The following CERT1 variants were observed in gnomAD, a reference collection of about 807,000 sequenced individuals.
The protein encoded by CERT1 is ceramide transporter 1.
A neutral mutation model predicts 87.9 loss-of-function variants in CERT1; 31 were observed. The observed-to-expected ratio is 0.35, with a 90% CI of 0.27 to 0.48. The LOEUF (loss-of-function observed/expected upper bound fraction) is 0.48. Ranked by LOEUF, CERT1 falls within the 20% of genes least tolerant of loss-of-function variation. CERT1 has a pLI of 0.99. For missense variants in CERT1, 487 were observed against 758.0 expected, an observed-to-expected ratio of 0.64 and a Z score of 4.20; for synonymous variants, 289 against 250.9, an observed-to-expected ratio of 1.15 and a Z score of -1.44.
chr5:75,420,628 C>T (rs576390352), intron 5 of CERT1, among the ~76,000 whole-genome samples: 2 of 152,104 alleles, frequency 1.3e-5, no homozygotes, highest in Non-Finnish European at 2.9e-5. Context: ...TCCAGGCATC[C>T]CTTTTCTCTA....
chr5:75,478,181 C>T (rs1204450755), intron 2 of CERT1, among the ~76,000 whole-genome samples: 7 of 151,602 alleles, frequency 4.6e-5, no homozygotes, highest in Admixed American at 2.6e-4. Context: ...GGTGTGGTGG[C>T]GCAGCACCTG....
intron 8 of CERT1, among the ~76,000 whole-genome samples, chr5:75,406,349 TCCCTCCGGGA>T (rs1762705188): frequency 6.6e-6 from 1 of 152,226 alleles, no homozygotes; most frequent in Non-Finnish European, 1.5e-5. Flanking sequence ...AGAGGTTCTT[TCCCTCCGGGA>T]AGACATCTCT....
chr5:75,506,283 A>G (rs969044487), intron 1 of CERT1, among the ~76,000 whole-genome samples, 167 bp from the exon 2 acceptor site: 4 of 152,244 alleles, frequency 2.6e-5, no homozygotes, highest in Non-Finnish European at 5.9e-5. Context: ...AAAAGTTGAG[A>G]TTTTCTAGAT....
At chr5:75,439,167 A>G (rs1281177436) in intron 3 of CERT1, among the ~76,000 whole-genome samples, 1 of 151,956 alleles carries the variant, frequency 6.6e-6, no homozygotes, top group Non-Finnish European at 1.5e-5. Flanking sequence ...AAAGTTATCG[A>G]TTAAATAAAA....
rs114200677 is a variant in CERT1, at chr5:75,405,659, T to C, written c.931-2601A>G. Among the ~76,000 whole-genome samples, 590 of 152,324 alleles carry C rather than the reference T, an allele frequency of 3.9e-3. 3 individuals are homozygous for C. The highest frequency in any genetic ancestry group is 5.6e-3 in the Non-Finnish European group (378 of 68,024). ...ACAATAGTCTCCCCCATCTGTGGTT[T>C]TGATTTATGTGGTTTATATACAATA... On this transcript the variant is annotated intron_variant, in intron 8 of 16. Transcript: ENST00000643780.
chr5:75,406,016 A>C (rs1238519245), intron 8 of CERT1, among the ~76,000 whole-genome samples: 1 of 152,180 alleles, frequency 6.6e-6, no homozygotes, highest in African/African-American at 2.4e-5. Context: ...TTATACAAAA[A>C]GTGTCCAAGT....
intron 15 of CERT1, 88 bp from the exon 16 acceptor site, chr5:75,381,289 G>C (rs1056663478): frequency 5.6e-6 from 8 of 1,437,318 alleles, no homozygotes; most frequent in Admixed American, 1.8e-5. Context: ...AACCAAAATC[G>C]TAACTCTTAA....
At chr5:75,428,923 ATT>A (rs1763745013) in intron 3 of CERT1, among the ~76,000 whole-genome samples, 1 of 152,034 alleles carries the variant, frequency 6.6e-6, no homozygotes, top group Admixed American at 6.6e-5. Flanking sequence ...TGATAATTAC[ATT>A]TTGTTTCTTA....
intron 7 of CERT1, among the ~76,000 whole-genome samples, chr5:75,413,982 A>T (rs1012723657): frequency 6.6e-6 from 1 of 152,208 alleles, no homozygotes; most frequent in East Asian, 1.9e-4. Flanking sequence ...AAAAAAATCT[A>T]AATGTCCACC....
intron 1 of CERT1, 150 bp downstream of exon 1, chr5:75,510,962 C>A (rs890862970): frequency 1.8e-6 from 2 of 1,124,222 alleles, no homozygotes; most frequent in African/African-American, 3.2e-5. Context: ...GCCCCTATAT[C>A]CCCGCCTCAT....
rs1408759233 is a variant in CERT1 at position 75,502,488 on chromosome 5, AAATAT to A, written c.231+3489_231+3493del. The stretch of plus-strand genomic sequence containing the variant: ...GTGCAAAAACAGGGTCCAGGCAAAT[AAATAT>A]AATATATCCACACGATTCAACAGAA... On this transcript the variant is annotated intron_variant, in intron 2 of 16. Transcript: ENST00000643780. Among the ~76,000 whole-genome samples the A allele has an allele frequency of 3.9e-5, 6 of 152,296 alleles. 1 individual carries two copies. The highest frequency in any genetic ancestry group is 2.0e-4 in the Admixed American group (3 of 15,306).
chr5:75,408,281 TA>T (rs1293913241), intron 8 of CERT1, among the ~76,000 whole-genome samples: 2 of 152,182 alleles, frequency 1.3e-5, no homozygotes, highest in Non-Finnish European at 2.9e-5. Flanking sequence ...AGTTATAGAT[TA>T]AAAGAAGTTA....
intron 1 of CERT1, among the ~76,000 whole-genome samples, chr5:75,510,290 TA>T (rs945998730): frequency 4.0e-5 from 6 of 149,662 alleles, no homozygotes; most frequent in Middle Eastern, 3.4e-3. Context: ...AGCAAAAACT[TA>T]AAAAAAAAAT....
intron 3 of CERT1, among the ~76,000 whole-genome samples, chr5:75,439,180 C>G (rs1341625210): frequency 6.6e-6 from 1 of 151,296 alleles, no homozygotes; most frequent in African/African-American, 2.4e-5. Context: ...AAATAAAATA[C>G]CAGAAATGTC....
At chr5:75,403,088 A>C in intron 8 of CERT1, 30 bp from the exon 9 acceptor site, 2 of 1,471,808 alleles carry the variant, frequency 1.4e-6, no homozygotes, top group Non-Finnish European at 1.9e-6. Context: ...AGAAAAAAGC[A>C]GTTTATTTAA....
chr5:75,488,871 A>G (rs1766646811), intron 2 of CERT1, among the ~76,000 whole-genome samples: 1 of 152,136 alleles, frequency 6.6e-6, no homozygotes, highest in African/African-American at 2.4e-5. Flanking sequence ...ATTCTGAGAC[A>G]TTTTTCCTTG....
Position 75,409,831 on chromosome 5 carries a change from G to GT in CERT1, c.930+1179dup, listed in dbSNP as rs150553834. Among the ~76,000 whole-genome samples the GT allele has an allele frequency of 5.1e-3, 707 of 137,794 alleles. 3 individuals carry two copies. Among genetic ancestry groups the GT allele is most frequent in the East Asian group, 0.014 (67 of 4,706 alleles). 90.4% of individuals were successfully genotyped at this position (137,794 alleles called of 152,430 possible). A position where few individuals can be genotyped will look rare whatever the true frequency, so the allele number is the denominator to read the frequency against. ...TGTGAACCACCGTGCTGGCCAACAC[G>GT]TTTTTTTTTTTTTTTTAAAGAGACA... On this transcript the variant is annotated intron_variant, in intron 8 of 16. Coordinates refer to ENST00000643780, the MANE Select transcript of CERT1 (RefSeq NM_001379029.1).
At chr5:75,443,249 T>C (rs975343800) in intron 3 of CERT1, among the ~76,000 whole-genome samples, 2 of 152,206 alleles carry the variant, frequency 1.3e-5, no homozygotes, top group African/African-American at 4.8e-5. Context: ...TTCCTTCCTT[T>C]TGCTAGCTTT....
chr5:75,427,726 A>G (rs1763680857), intron 3 of CERT1, among the ~76,000 whole-genome samples: 1 of 152,194 alleles, frequency 6.6e-6, no homozygotes, highest in African/African-American at 2.4e-5. Context: ...CTGTACTATT[A>G]TGGTTCTAGG....
Sources: gnomAD v4.1 joint callset for allele counts (sites outside exome capture counted in the v4.1 genomes callset) on GRCh38, gnomAD v4.1.1 for gene constraint, MANE v1.5 for transcripts, NCBI Gene and HGNC (gene_info 2026-07-23, HGNC 2026-07-21) for gene names.